CUL5: variants seen among roughly 807,000 people sequenced by gnomAD.
The protein encoded by CUL5 is cullin-5.
CUL5 carries 26 observed loss-of-function variants against 108.8 expected under a neutral mutation model. That is an observed-to-expected ratio of 0.24 (90% confidence interval 0.18 to 0.33). The LOEUF (loss-of-function observed/expected upper bound fraction) is 0.33. Among genes scored for constraint, CUL5 ranks in the 10% least tolerant of loss-of-function variants. CUL5 has a pLI of 1.00. For missense variants in CUL5, 524 were observed against 909.2 expected, an observed-to-expected ratio of 0.58 and a Z score of 5.45; for synonymous variants, 334 against 298.0, an observed-to-expected ratio of 1.12 and a Z score of -1.25.
At chr11:108,018,103 C>T (rs1862246650) in intron 1 of CUL5, among the ~76,000 whole-genome samples, 1 of 152,046 alleles carries the variant, frequency 6.6e-6, no homozygotes, top group South Asian at 2.1e-4. Context: ...TCTGGATGTG[C>T]AGAGAGGAAT....
intron 3 of CUL5, among the ~76,000 whole-genome samples, chr11:108,046,846 C>G (rs1366851538): frequency 1.3e-5 from 2 of 152,160 alleles, no homozygotes; most frequent in African/African-American, 4.8e-5. Context: ...AAATTTTGAT[C>G]AAAAATCAAA....
At chr11:108,023,351 A>G (rs1211200344) in intron 1 of CUL5, among the ~76,000 whole-genome samples, 1 of 152,200 alleles carries the variant, frequency 6.6e-6, no homozygotes, top group Non-Finnish European at 1.5e-5. Flanking sequence ...ATTTTAATAC[A>G]GTGCAATTTA....
chr11:108,056,573 G>A (rs1292096058), intron 7 of CUL5, among the ~76,000 whole-genome samples: 1 of 152,134 alleles, frequency 6.6e-6, no homozygotes. Context: ...GTTCTTTATA[G>A]TGATATAAAT....
At chr11:108,041,497 G>A (rs1419009440) in intron 2 of CUL5, among the ~76,000 whole-genome samples, 4 of 151,736 alleles carry the variant, frequency 2.6e-5, no homozygotes, top group Non-Finnish European at 4.4e-5. Flanking sequence ...GACTGGTCGC[G>A]AACTCCTGAC....
chr11:108,090,607 G>A (rs1320337306), intron 13 of CUL5, among the ~76,000 whole-genome samples: 1 of 152,146 alleles, frequency 6.6e-6, no homozygotes, highest in East Asian at 1.9e-4. Context: ...AAATACTTCT[G>A]TATAGCAAAA....
At chr11:108,063,081 G>T (rs911762375) in intron 7 of CUL5, among the ~76,000 whole-genome samples, 4 of 152,092 alleles carry the variant, frequency 2.6e-5, no homozygotes, top group Non-Finnish European at 5.9e-5. Flanking sequence ...CTGACCTCAG[G>T]CAATCCACCT....
chr11:108,050,073 CTA>C lies in CUL5; in HGVS notation c.411+9_411+10del. 1 of 1,568,810 alleles carries C rather than the reference CTA, an allele frequency of 6.4e-7. No individual in the cohort carries two copies. Among genetic ancestry groups the C allele is most frequent in the Non-Finnish European group, 8.6e-7 (1 of 1,158,072 alleles). ...AGACAGTATTGTTCGAAAGGTAAGA[CTA>C]TTTTTCTCCTTGTTTTCCTAATATT... On this transcript the variant is annotated splice_region_variant and intron_variant, in intron 4 of 18. Coordinates refer to ENST00000393094, the MANE Select transcript of CUL5 (RefSeq NM_003478.6).
In CUL5 at chr11:108,076,472, T is replaced by G. The variant is rs189257993; in HGVS notation, c.1114-1704T>G. Among the ~76,000 whole-genome samples the G allele has an allele frequency of 5.1e-4, 77 of 152,348 alleles. 2 individuals are homozygous for G. The East Asian group carries it at 0.014, about 27-fold the overall frequency. ...CCACCCATTTTGCCACTGGTACTAC[T>G]CTTTCATTCCTCTTTCTGTATATTT... On this transcript the variant is annotated intron_variant, in intron 10 of 18. Transcript: ENST00000393094.
rs755626679 is a variant in CUL5 at position 108,009,339 on chromosome 11, G to GT, written c.-8dup. ...CTCGCGTCGTCTCGCGAGAGTCCAA[G>GT]TTAAAGAACATGGCGACGTCTAATC... On this transcript the variant is annotated 5_prime_UTR_variant, in exon 1 of 19. An upstream open reading frame in the 5' UTR gains an earlier in-frame stop. Coordinates refer to ENST00000393094, the MANE Select transcript of CUL5 (RefSeq NM_003478.6). 2 of 1,613,744 alleles carry GT rather than the reference G, an allele frequency of 1.2e-6. No homozygotes were observed. Among genetic ancestry groups the GT allele is most frequent in the Non-Finnish European group, 1.7e-6 (2 of 1,179,746 alleles).
chr11:108,104,176 AT>A lies in CUL5; in HGVS notation c.2149-8del, dbSNP rs771047052. The A allele has an allele frequency of 6.6e-7, 1 of 1,513,286 alleles. No homozygotes were observed. The highest frequency in any genetic ancestry group is 1.4e-5 in the African/African-American group (1 of 70,628). The allele number at this position is 1,513,286 out of a possible 1,614,324, so 93.7% of individuals were successfully genotyped here. ...CGTATATTAATGCGCTTTTATTTTT[AT>A]TTTTTCTTTTAGGAAGCTATCATAC... On this transcript the variant is annotated splice_polypyrimidine_tract_variant and intron_variant, in intron 18 of 18. Transcript: ENST00000393094.
At chr11:108,069,480 T>G (rs1863769209) in intron 7 of CUL5, among the ~76,000 whole-genome samples, 1 of 152,178 alleles carries the variant, frequency 6.6e-6, no homozygotes, top group Non-Finnish European at 1.5e-5. Context: ...CAGGATCCCA[T>G]TTAGATACCA....
At chr11:108,018,668 G>A (rs1862259891) in intron 1 of CUL5, among the ~76,000 whole-genome samples, 1 of 151,796 alleles carries the variant, frequency 6.6e-6, no homozygotes, top group South Asian at 2.1e-4. Context: ...GAGTGAGACT[G>A]TGTCTTAAAA....
intron 11 of CUL5, among the ~76,000 whole-genome samples, chr11:108,079,005 A>G (rs1177464610): frequency 6.6e-6 from 1 of 152,176 alleles, no homozygotes; most frequent in Non-Finnish European, 1.5e-5. Flanking sequence ...ACTGTGAAAT[A>G]TGTGAAACAT....
chr11:108,098,298 T>C, intron 17 of CUL5, 108 bp from the exon 18 acceptor site: 4 of 990,582 alleles, frequency 4.0e-6, no homozygotes, highest in Non-Finnish European at 5.8e-6. Flanking sequence ...TTTAAACAGT[T>C]CTGATATTTT....
intron 13 of CUL5, among the ~76,000 whole-genome samples, chr11:108,091,110 G>T (rs1475058489): frequency 6.6e-6 from 1 of 151,524 alleles, no homozygotes; most frequent in Non-Finnish European, 1.5e-5. Flanking sequence ...GGATTGCAGT[G>T]GTGCAATCTT....
intron 7 of CUL5, among the ~76,000 whole-genome samples, chr11:108,055,295 T>C (rs975042663): frequency 6.6e-6 from 1 of 152,174 alleles, no homozygotes; most frequent in Non-Finnish European, 1.5e-5. Context: ...TATGCTCCCT[T>C]AGGGATACAG....
At chr11:108,071,378 C>G (rs1198850642) in intron 8 of CUL5, among the ~76,000 whole-genome samples, 2 of 151,608 alleles carry the variant, frequency 1.3e-5, no homozygotes, top group Non-Finnish European at 2.9e-5. Flanking sequence ...CTCCCACCTC[C>G]CAGCCCACTG....
chr11:108,099,283 G>T (rs370917519), intron 18 of CUL5, among the ~76,000 whole-genome samples: 1 of 152,098 alleles, frequency 6.6e-6, no homozygotes. Flanking sequence ...GGGATTACAG[G>T]TGTGAGCTAC....
chr11:108,060,855 A>G (rs1007713828), intron 7 of CUL5, among the ~76,000 whole-genome samples: 2 of 151,904 alleles, frequency 1.3e-5, no homozygotes, highest in Non-Finnish European at 2.9e-5. Context: ...AGAATCTACC[A>G]TGTCTCGTAG....
Sources: gnomAD v4.1 joint callset for allele counts (sites outside exome capture counted in the v4.1 genomes callset) on GRCh38, gnomAD v4.1.1 for gene constraint, MANE v1.5 for transcripts, NCBI Gene and HGNC (gene_info 2026-07-23, HGNC 2026-07-21) for gene names.